The following CALN1 variants were observed in gnomAD, a reference collection of about 807,000 sequenced individuals.
CALN1 encodes calcium-binding protein 8.
Under a neutral mutation model 30.6 loss-of-function variants are expected in CALN1, and 17 were observed. That is an observed-to-expected ratio of 0.56 (90% CI 0.38 to 0.83). The LOEUF is 0.83. CALN1 is among the 40% of genes least tolerant of loss of function. CALN1 has a pLI of 0.00. For missense variants in CALN1, 291 were observed against 354.9 expected (o/e 0.82, Z 1.45); for synonymous variants, 156 against 131.4 (o/e 1.19, Z -1.28).
At chr7:72,176,279 G>A (rs10807744) in intron 3 of CALN1, among the ~76,000 whole-genome samples, 1 of 152,014 alleles carries the variant, frequency 6.6e-6, no homozygotes, top group East Asian at 1.9e-4. Context: ...TGTGGGAAAG[G>A]TAAGGCCTCT....
At chr7:72,438,564 G>A (rs541510936) in intron 1 of CALN1, among the ~76,000 whole-genome samples, 57 of 152,240 alleles carry the variant, frequency 3.7e-4, no homozygotes, top group African/African-American at 1.2e-3. Context: ...AGAATAGACC[G>A]TCTTAAAATA....
At chr7:71,892,618 T>G (rs4719186) in intron 5 of CALN1, among the ~76,000 whole-genome samples, 129 of 151,998 alleles carry the variant, frequency 8.5e-4, no homozygotes, top group African/African-American at 3.0e-3. Context: ...GAAACTCCAT[T>G]TCCCCCCAAA....
chr7:72,203,529 T>C (rs543406662), intron 3 of CALN1, among the ~76,000 whole-genome samples: 170 of 152,188 alleles, frequency 1.1e-3, no homozygotes, highest in African/African-American at 3.8e-3. Flanking sequence ...ACTCCCCTTC[T>C]CCCTGGTTTC....
chr7:72,193,495 T>C (rs556629866), intron 3 of CALN1, among the ~76,000 whole-genome samples: 6 of 152,294 alleles, frequency 3.9e-5, no homozygotes, highest in South Asian at 4.1e-4. Flanking sequence ...TGGGGACACA[T>C]CCTGAGAAAT....
chr7:72,330,224 T>C (rs1453444235), intron 2 of CALN1, among the ~76,000 whole-genome samples: 2 of 151,676 alleles, frequency 1.3e-5, no homozygotes, highest in East Asian at 1.9e-4. Flanking sequence ...ACCTCAGAGG[T>C]GGAGGGTGCA....
chr7:71,947,126 A>G (rs963984514), intron 5 of CALN1, among the ~76,000 whole-genome samples: 3 of 151,950 alleles, frequency 2.0e-5, no homozygotes, highest in African/African-American at 7.3e-5. Flanking sequence ...TTCTCGTGCC[A>G]CAGCCTCCCG....
At chr7:71,960,050 T>C (rs1003503572) in intron 5 of CALN1, among the ~76,000 whole-genome samples, 10 of 151,518 alleles carry the variant, frequency 6.6e-5, no homozygotes, top group African/African-American at 1.7e-4. Context: ...AGGAGAATCA[T>C]TGAACCCAGG....
At chr7:71,874,279 TAAAAAAAA>T (rs57423286) in intron 5 of CALN1, among the ~76,000 whole-genome samples, 14 of 97,636 alleles carry the variant, frequency 1.4e-4, no homozygotes, top group African/African-American at 5.7e-4. Flanking sequence ...TCTCAAACAT[TAAAAAAAA>T]AAAAAAAAAA....
intron 2 of CALN1, among the ~76,000 whole-genome samples, chr7:72,348,978 G>C (rs924312777): frequency 1.3e-4 from 19 of 151,956 alleles, no homozygotes; most frequent in Non-Finnish European, 7.4e-5. Flanking sequence ...GGATGTTCAA[G>C]GATTTAAAGG....
the CALN1 span, among the ~76,000 whole-genome samples, chr7:72,453,940 G>T: frequency 6.6e-6 from 1 of 151,528 alleles, no homozygotes; most frequent in Non-Finnish European, 1.5e-5. Context: ...AGTATATCAA[G>T]AAGAAACAAT....
intron 5 of CALN1, among the ~76,000 whole-genome samples, chr7:71,927,265 A>C (rs1434142356): frequency 1.3e-5 from 2 of 152,108 alleles, no homozygotes; most frequent in African/African-American, 4.8e-5. Context: ...GCTGGAGTGC[A>C]GTGGTGCAAT....
intron 3 of CALN1, among the ~76,000 whole-genome samples, chr7:72,172,692 T>C (rs186386236): frequency 6.6e-6 from 1 of 152,356 alleles, no homozygotes; most frequent in Admixed American, 6.5e-5. Flanking sequence ...TGAAAATTCT[T>C]ACGACCATTT....
At chr7:71,831,526 A>G (rs1340633335) in intron 5 of CALN1, among the ~76,000 whole-genome samples, 1 of 152,132 alleles carries the variant, frequency 6.6e-6, no homozygotes, top group Non-Finnish European at 1.5e-5. Flanking sequence ...CAATAATATG[A>G]TAAGAATAAC....
the CALN1 span, among the ~76,000 whole-genome samples, chr7:72,475,941 C>CTTTTTTTTTT: frequency 1.3e-5 from 1 of 75,850 alleles, no homozygotes; most frequent in South Asian, 5.9e-4. Flanking sequence ...CTCTCTCTCT[C>CTTTTTTTTTT]TTTTTTTTTT....
At chr7:72,077,704 G>A (rs1002345492) in intron 4 of CALN1, among the ~76,000 whole-genome samples, 2 of 152,210 alleles carry the variant, frequency 1.3e-5, no homozygotes, top group African/African-American at 2.4e-5. Flanking sequence ...ACACAGATAG[G>A]TGTGTGTCCA....
In CALN1 at chr7:72,226,080, G is replaced by A. The variant is rs527641736; in HGVS notation, c.244+52606C>T. On this transcript the variant is annotated intron_variant, in intron 3 of 6. Transcript: ENST00000395275. ...CACTGCACTCCAGCCTGGTGACAGA[G>A]CGAGACTCCACCCAAAAAAAAAAAA... is the stretch of plus-strand genomic sequence containing the variant. Among the ~76,000 whole-genome samples the A allele has an allele frequency of 1.5e-4, 21 of 136,960 alleles. No homozygotes were observed. In the South Asian group the frequency reaches 5.5e-3, roughly 36 times the overall value. The allele number at this position is 136,960 out of a possible 152,430, so 89.9% of individuals were successfully genotyped here. A position where few individuals can be genotyped will look rare whatever the true frequency, so the allele number is the denominator to read the frequency against.
chr7:72,433,516 T>C (rs968928520), intron 1 of CALN1, among the ~76,000 whole-genome samples: 1 of 152,070 alleles, frequency 6.6e-6, no homozygotes, highest in East Asian at 1.9e-4. Context: ...TGCTACCCCA[T>C]CCTGGGTGCT....
intron 4 of CALN1, among the ~76,000 whole-genome samples, chr7:72,029,411 G>C (rs150365198): frequency 1.8e-4 from 27 of 152,208 alleles, no homozygotes; most frequent in African/African-American, 6.3e-4. Flanking sequence ...ACCGTGCCTG[G>C]CCAATATTTG....
At chr7:72,303,087 AAAG>A (rs1194660419) in intron 2 of CALN1, among the ~76,000 whole-genome samples, 2 of 151,944 alleles carry the variant, frequency 1.3e-5, no homozygotes, top group African/African-American at 4.8e-5. Context: ...CTCAAAAAAA[AAAG>A]AAAAGGAATT....
Sources: allele counts gnomAD v4.1 joint callset (sites outside exome capture counted in the v4.1 genomes callset), GRCh38; gene constraint gnomAD v4.1.1; transcripts MANE v1.5; gene names NCBI Gene and HGNC (gene_info 2026-07-23, HGNC 2026-07-21).